ZCCHC24: variants seen among roughly 807,000 people sequenced by gnomAD.
ZCCHC24 encodes zinc finger CCHC domain-containing protein 24.
A neutral mutation model predicts 26.2 loss-of-function variants in ZCCHC24; 10 were observed. The observed-to-expected ratio is 0.38, with a 90% CI of 0.24 to 0.65. ZCCHC24 has a LOEUF of 0.65. Ranked by LOEUF, ZCCHC24 falls within the 30% of genes least tolerant of loss-of-function variation. ZCCHC24 has a pLI of 0.54. For synonymous variants in ZCCHC24, 144 were observed against 147.1 expected (o/e 0.98, Z 0.15); for missense variants, 243 against 329.1 (o/e 0.74, Z 2.03).
intron 2 of ZCCHC24, among the ~76,000 whole-genome samples, chr10:79,404,151 C>T (rs1057046221): frequency 1.3e-5 from 2 of 152,160 alleles, no homozygotes; most frequent in Non-Finnish European, 2.9e-5. Flanking sequence ...CCAAGGAGCC[C>T]CTCCAGGACC....
intron 2 of ZCCHC24, among the ~76,000 whole-genome samples, chr10:79,428,835 G>T (rs1053512018): frequency 7.2e-5 from 11 of 151,954 alleles, no homozygotes; most frequent in African/African-American, 2.4e-4. Context: ...GATTATAAAA[G>T]AATACTATGG....
chr10:79,392,625 G>T (rs1189349032), intron 3 of ZCCHC24, among the ~76,000 whole-genome samples: 1 of 152,176 alleles, frequency 6.6e-6, no homozygotes, highest in East Asian at 1.9e-4. Context: ...CTCCTTCCCA[G>T]TTGCGGCCAC....
chr10:79,410,767 C>T (rs1281313995), intron 2 of ZCCHC24, among the ~76,000 whole-genome samples: 2 of 150,066 alleles, frequency 1.3e-5, no homozygotes, highest in Non-Finnish European at 3.0e-5. Context: ...GGGGGTGCTG[C>T]CACATTGCTG....
intron 3 of ZCCHC24, 145 bp from the exon 4 acceptor site, chr10:79,386,603 G>A (rs1856401270): frequency 1.6e-6 from 1 of 606,392 alleles, no homozygotes; most frequent in Non-Finnish European, 2.9e-6. Context: ...CACCTCTGCA[G>A]AGACAGAGAC....
At position 79,423,581 on chromosome 10, in the gene ZCCHC24, C is replaced by CTATA. The variant is rs561884774; in HGVS notation, c.447+8973_447+8976dup. The stretch of plus-strand genomic sequence containing the variant: ...AACAAAAACAAACAAAATATATATA[C>CTATA]TATATATATATATATATATATATAT... On this transcript the variant is annotated intron_variant, in intron 2 of 3. Transcript: ENST00000372336. 4.3e-3 allele frequency among the ~76,000 whole-genome samples: 230 copies of CTATA among 53,760 alleles called. 9 individuals are homozygous for CTATA. The highest frequency in any genetic ancestry group is 0.017 in the African/African-American group (216 of 13,018). The allele number at this position is 53,760 out of a possible 152,430, so 35.3% of individuals were successfully genotyped here. A position where few individuals can be genotyped will look rare whatever the true frequency, so the allele number is the denominator to read the frequency against.
intron 2 of ZCCHC24, among the ~76,000 whole-genome samples, chr10:79,423,571 A>T (rs1463098321): frequency 1.6e-4 from 2 of 12,558 alleles, no homozygotes; most frequent in Non-Finnish European, 3.2e-4. Context: ...AAACAAACAA[A>T]ATATATATAC....
At chr10:79,426,177 G>C (rs1857024261) in intron 2 of ZCCHC24, among the ~76,000 whole-genome samples, 1 of 152,190 alleles carries the variant, frequency 6.6e-6, no homozygotes, top group Admixed American at 6.5e-5. Flanking sequence ...CAAGTAATAA[G>C]TGACCAACCC....
intron 2 of ZCCHC24, among the ~76,000 whole-genome samples, chr10:79,395,299 CAATAT>C (rs1241866496): frequency 2.0e-5 from 3 of 152,206 alleles, no homozygotes; most frequent in Non-Finnish European, 4.4e-5. Context: ...CAGGTGCACA[CAATAT>C]AAGTCCATGC....
chr10:79,420,518 C>T (rs926876590), intron 2 of ZCCHC24, among the ~76,000 whole-genome samples: 3 of 152,220 alleles, frequency 2.0e-5, no homozygotes, highest in African/African-American at 7.2e-5. Flanking sequence ...GTGGCTCACG[C>T]CTGTAATCCC....
chr10:79,421,104 G>C (rs1171239983), intron 2 of ZCCHC24, among the ~76,000 whole-genome samples: 1 of 152,186 alleles, frequency 6.6e-6, no homozygotes, highest in Non-Finnish European at 1.5e-5. Flanking sequence ...GCAAGGAGGA[G>C]AGCCTCGAGG....
intron 2 of ZCCHC24, among the ~76,000 whole-genome samples, chr10:79,424,978 G>C (rs930726802): frequency 5.9e-5 from 9 of 152,132 alleles, no homozygotes; most frequent in Admixed American, 5.9e-4. Context: ...CTGTACCACC[G>C]AGGACAGGGG....
chr10:79,401,428 G>A (rs1225640118), intron 2 of ZCCHC24, among the ~76,000 whole-genome samples: 1 of 152,268 alleles, frequency 6.6e-6, no homozygotes, highest in Non-Finnish European at 1.5e-5. Flanking sequence ...GACGCATGTA[G>A]AGGTTACATG....
intron 2 of ZCCHC24, among the ~76,000 whole-genome samples, chr10:79,412,376 C>T (rs1016448422): frequency 5.9e-5 from 9 of 152,234 alleles, no homozygotes; most frequent in East Asian, 1.9e-4. Flanking sequence ...ACAGGTGCAT[C>T]GGTGAGGGGC....
At chr10:79,403,637 C>T (rs1337701994) in intron 2 of ZCCHC24, 11 of 977,602 alleles carry the variant, frequency 1.1e-5, no homozygotes, top group African/African-American at 5.3e-5. Flanking sequence ...TCCTTGTCTG[C>T]GCACAGCCGT....
At chr10:79,408,474 G>A (rs1300127800) in intron 2 of ZCCHC24, among the ~76,000 whole-genome samples, 3 of 152,168 alleles carry the variant, frequency 2.0e-5, no homozygotes, top group African/African-American at 4.8e-5. Context: ...CAATCACCAC[G>A]TGCATTTACT....
At chr10:79,444,492 C>T (rs1331950815) in intron 1 of ZCCHC24, among the ~76,000 whole-genome samples, 4 of 152,058 alleles carry the variant, frequency 2.6e-5, no homozygotes, top group African/African-American at 9.7e-5. Flanking sequence ...TTCTAGCCCC[C>T]CTCCCAAGAG....
In ZCCHC24 at chr10:79,382,927, C is replaced by G. The variant is rs1351513716; in HGVS notation, c.*3418G>C. 1.3e-5 allele frequency: 2 copies of G among 152,610 alleles called. No homozygotes were observed. Among genetic ancestry groups the G allele is most frequent in the African/African-American group, 4.8e-5 (2 of 41,458 alleles). The allele number at this position is 152,610 out of a possible 1,614,324, so 9.5% of individuals were successfully genotyped here. ...AGAGCCCTCCCACCAAGCCAAGACG[C>G]TGGTGGACCACAGAGGGGCTGGTTA... On this transcript the variant is annotated 3_prime_UTR_variant, in exon 4 of 4. Transcript: ENST00000372336.
intron 3 of ZCCHC24, 114 bp from the exon 4 acceptor site, chr10:79,386,572 A>G: frequency 1.3e-6 from 1 of 757,624 alleles, no homozygotes; most frequent in Non-Finnish European, 2.1e-6. Context: ...GTACACAGGG[A>G]GGGGACCAGA....
intron 2 of ZCCHC24, among the ~76,000 whole-genome samples, chr10:79,399,667 G>A (rs766257379): frequency 6.6e-6 from 1 of 152,328 alleles, no homozygotes; most frequent in Non-Finnish European, 1.5e-5. Context: ...ATCCTCACAC[G>A]AGGGCAGCCT....
Sources: allele counts gnomAD v4.1 joint callset (sites outside exome capture counted in the v4.1 genomes callset), GRCh38; gene constraint gnomAD v4.1.1; transcripts MANE v1.5; gene names NCBI Gene and HGNC (gene_info 2026-07-23, HGNC 2026-07-21).